Variants in KCNH8 observed in about 807,000 individuals in gnomAD.
KCNH8 encodes voltage-gated delayed rectifier potassium channel KCNH8.
In KCNH8, 70 loss-of-function variants were observed where a neutral mutation model predicts 103.6. The ratio of observed to expected loss-of-function variants is 0.68; its 90% CI spans 0.56 to 0.82. The LOEUF (loss-of-function observed/expected upper bound fraction) is 0.82. KCNH8 is among the 40% of genes least tolerant of loss of function. The pLI is 0.00. For synonymous variants in KCNH8, 498 were observed against 489.4 expected (o/e 1.02, Z -0.23); for missense variants, 1,217 against 1,329.9 (o/e 0.92, Z 1.32).
intron 2 of KCNH8, among the ~76,000 whole-genome samples, chr3:19,260,383 C>T (rs997105720): frequency 6.7e-6 from 1 of 149,670 alleles, no homozygotes; most frequent in Non-Finnish European, 1.5e-5. Context: ...TCATGACCTT[C>T]CTCTTTTACA....
At chr3:19,154,086 T>A (rs78370235) in intron 1 of KCNH8, among the ~76,000 whole-genome samples, 4,922 of 152,238 alleles carry the variant, frequency 0.032, 126 homozygotes, top group Middle Eastern at 0.061. Context: ...ATAAGTGTAA[T>A]TCAGAAGGTG....
At chr3:19,194,511 C>T (rs1258795060) in intron 1 of KCNH8, among the ~76,000 whole-genome samples, 1 of 151,690 alleles carries the variant, frequency 6.6e-6, no homozygotes, top group African/African-American at 2.4e-5. Flanking sequence ...TTATTATGGA[C>T]CTATTATAGG....
chr3:19,531,702 G>A (rs964211383), intron 15 of KCNH8, among the ~76,000 whole-genome samples: 1 of 152,210 alleles, frequency 6.6e-6, no homozygotes, highest in African/African-American at 2.4e-5. Flanking sequence ...ATTAGTTTCA[G>A]AATGCACTCA....
At chr3:19,347,348 A>G (rs2065742176) in intron 4 of KCNH8, among the ~76,000 whole-genome samples, 1 of 152,154 alleles carries the variant, frequency 6.6e-6, no homozygotes, top group Non-Finnish European at 1.5e-5. Context: ...GAAATCTACA[A>G]GTATACAGAA....
At chr3:19,189,522 AAG>A (rs986119647) in intron 1 of KCNH8, among the ~76,000 whole-genome samples, 2 of 151,940 alleles carry the variant, frequency 1.3e-5, no homozygotes, top group African/African-American at 4.8e-5. Context: ...AGTTTTTTGA[AAG>A]AGAATTTTTA....
chr3:19,495,253 T>A (rs2068414805), intron 11 of KCNH8, among the ~76,000 whole-genome samples: 1 of 152,136 alleles, frequency 6.6e-6, no homozygotes, highest in South Asian at 2.1e-4. Flanking sequence ...TGGCATCTTT[T>A]TCGTGAAATC....
At chr3:19,205,121 C>G (rs896660042) in intron 1 of KCNH8, among the ~76,000 whole-genome samples, 45 of 151,912 alleles carry the variant, frequency 3.0e-4, no homozygotes, top group Non-Finnish European at 5.6e-4. Flanking sequence ...GTTCAACTAC[C>G]CATCCACCTA....
At chr3:19,423,418 T>A (rs928698951) in intron 7 of KCNH8, among the ~76,000 whole-genome samples, 3 of 152,074 alleles carry the variant, frequency 2.0e-5, no homozygotes, top group African/African-American at 7.2e-5. Flanking sequence ...TTGTGTAGTC[T>A]TTTATCCCTC....
intron 2 of KCNH8, among the ~76,000 whole-genome samples, chr3:19,265,149 G>A (rs1050280199): frequency 6.6e-6 from 1 of 152,052 alleles, no homozygotes; most frequent in Non-Finnish European, 1.5e-5. Flanking sequence ...TCTACATTCA[G>A]TAAGTATGTA....
intron 3 of KCNH8, among the ~76,000 whole-genome samples, chr3:19,303,587 A>T (rs928391315): frequency 2.6e-5 from 4 of 152,114 alleles, no homozygotes; most frequent in Non-Finnish European, 5.9e-5. Context: ...TACCCCCCTG[A>T]TATGTGCATT....
chr3:19,508,178 C>G (rs908162590), intron 11 of KCNH8, among the ~76,000 whole-genome samples: 2 of 152,086 alleles, frequency 1.3e-5, no homozygotes, highest in Non-Finnish European at 2.9e-5. Flanking sequence ...TGTCTATATT[C>G]ATCAGGGATA....
intron 15 of KCNH8, among the ~76,000 whole-genome samples, chr3:19,525,817 G>C (rs1223325921): frequency 6.6e-6 from 1 of 151,912 alleles, no homozygotes; most frequent in African/African-American, 2.4e-5. Flanking sequence ...AGTCTCTCCA[G>C]CTGTAGACAA....
At chr3:19,161,041 T>C (rs1201624562) in intron 1 of KCNH8, among the ~76,000 whole-genome samples, 8 of 152,270 alleles carry the variant, frequency 5.3e-5, no homozygotes, top group Admixed American at 5.2e-4. Flanking sequence ...CTGAGGTTGC[T>C]AAGATCCACA....
At chr3:19,151,034 T>A (rs2063123987) in intron 1 of KCNH8, among the ~76,000 whole-genome samples, 1 of 152,106 alleles carries the variant, frequency 6.6e-6, no homozygotes, top group East Asian at 1.9e-4. Context: ...TCTTTTTGAA[T>A]AGCAGGATGA....
At chr3:19,494,328 G>A (rs1274774195) in intron 11 of KCNH8, among the ~76,000 whole-genome samples, 1 of 152,190 alleles carries the variant, frequency 6.6e-6, no homozygotes, top group African/African-American at 2.4e-5. Context: ...AATCATGGGA[G>A]TGGGCCTTTC....
Position 19,260,967 on chromosome 3 carries a change from CATAT to C in KCNH8, c.310+7103_310+7106del, listed in dbSNP as rs138181171. Among the ~76,000 whole-genome samples the C allele has an allele frequency of 3.2e-3, 422 of 132,136 alleles. 4 individuals carry two copies. The highest frequency in any genetic ancestry group is 0.015 in the South Asian group (61 of 4,048). The allele number at this position is 132,136 out of a possible 152,430, so 86.7% of individuals were successfully genotyped here. A position where few individuals can be genotyped will look rare whatever the true frequency, so the allele number is the denominator to read the frequency against. On this transcript the variant is annotated intron_variant, in intron 2 of 15. Transcript: ENST00000328405. ...TCCTTTTTTAAGGCTGAATAATATTCATATATATATATATATATATATATATCAG... is the reference window on the plus strand; with the variant it reads ...TCCTTTTTTAAGGCTGAATAATATTCATATATATATATATATATATATCAG...
chr3:19,271,319 C>CT (rs1457831167), intron 2 of KCNH8, among the ~76,000 whole-genome samples: 2 of 152,040 alleles, frequency 1.3e-5, no homozygotes, highest in African/African-American at 4.8e-5. Flanking sequence ...TCTTTAAGAT[C>CT]TTTTTTAACT....
At chr3:19,239,466 A>G (rs1239607769) in intron 1 of KCNH8, among the ~76,000 whole-genome samples, 1 of 152,194 alleles carries the variant, frequency 6.6e-6, no homozygotes, top group African/African-American at 2.4e-5. Context: ...ACTTATCCAA[A>G]TATCTCATTG....
chr3:19,385,938 T>C (rs1017421664), intron 5 of KCNH8, among the ~76,000 whole-genome samples: 2 of 152,218 alleles, frequency 1.3e-5, no homozygotes, highest in African/African-American at 2.4e-5. Context: ...TATGCTTTCA[T>C]GCACACTATT....
Sources: allele counts gnomAD v4.1 joint callset (sites outside exome capture counted in the v4.1 genomes callset), GRCh38; gene constraint gnomAD v4.1.1; transcripts MANE v1.5; gene names NCBI Gene and HGNC (gene_info 2026-07-23, HGNC 2026-07-21).